LIMK2: variants seen among roughly 807,000 people sequenced by gnomAD.
LIMK2 encodes the protein LIM domain kinase 2.
Under a neutral mutation model 75.7 loss-of-function variants are expected in LIMK2, and 35 were observed. The observed-to-expected ratio is 0.46, with a 90% CI of 0.35 to 0.61. The LOEUF (loss-of-function observed/expected upper bound fraction) is 0.61, where lower values mean the gene tolerates loss of function less well. Ranked by LOEUF, LIMK2 falls within the 20% of genes least tolerant of loss-of-function variation. LIMK2 has a pLI of 0.00. For missense variants in LIMK2, 623 were observed against 831.0 expected, an observed-to-expected ratio of 0.75 and a Z score of 3.08; for synonymous variants, 301 against 319.2, an observed-to-expected ratio of 0.94 and a Z score of 0.61.
chr22:31,243,361 C>A (rs2048639976), intron 2 of LIMK2, among the ~76,000 whole-genome samples: 1 of 152,192 alleles, frequency 6.6e-6, no homozygotes, highest in Non-Finnish European at 1.5e-5. Context: ...TCGGAGTCCT[C>A]AAAAATTCTC....
intron 2 of LIMK2, 129 bp from the exon 3 acceptor site, chr22:31,258,162 C>A (rs1005168366): frequency 2.1e-6 from 2 of 947,410 alleles, no homozygotes; most frequent in Middle Eastern, 3.5e-4. Flanking sequence ...AAGGCTGTAA[C>A]TTTGCCCCAT....
At chr22:31,220,517 G>A (rs2048424360) in intron 1 of LIMK2, among the ~76,000 whole-genome samples, 1 of 152,232 alleles carries the variant, frequency 6.6e-6, no homozygotes, top group African/African-American at 2.4e-5. Context: ...TCTCTGAATG[G>A]GGTGTGGGGG....
chr22:31,215,655 G>A (rs1322909799), intron 1 of LIMK2, among the ~76,000 whole-genome samples: 2 of 152,130 alleles, frequency 1.3e-5, no homozygotes, highest in Admixed American at 6.5e-5. Flanking sequence ...TTGTGGAAAT[G>A]AGTTATATAT....
At chr22:31,266,589 A>G (rs967689470) in intron 8 of LIMK2, among the ~76,000 whole-genome samples, 3 of 152,072 alleles carry the variant, frequency 2.0e-5, no homozygotes, top group Non-Finnish European at 4.4e-5. Flanking sequence ...GCAGGGCTGG[A>G]GAGCTCACCC....
At chr22:31,213,846 T>G (rs9621220) in intron 1 of LIMK2, among the ~76,000 whole-genome samples, 6,703 of 150,886 alleles carry the variant, frequency 0.044, 557 homozygotes, top group East Asian at 0.37. Context: ...GATGGAGTCT[T>G]GCTCTGTCGC....
intron 1 of LIMK2, among the ~76,000 whole-genome samples, chr22:31,215,876 C>T (rs1262693302): frequency 6.6e-6 from 1 of 152,158 alleles, no homozygotes; most frequent in Non-Finnish European, 1.5e-5. Flanking sequence ...TATAGAATTT[C>T]AAAGATGAGG....
Position 31,267,050 on chromosome 22 carries a change from C to A in LIMK2, c.1108C>A (p.Gln370Lys). Reference sequence around the variant, plus strand: ...GTTAATTCGATGTGATGAGGAGACCCAGAAAACTTTTCTGACTGAGGTAAG... The same window carrying A: ...GTTAATTCGATGTGATGAGGAGACCAAGAAAACTTTTCTGACTGAGGTAAG... Reference protein sequence around the residue: ...KELIRCDEETQKTFLTEVKVM... With the variant: ...KELIRCDEETKKTFLTEVKVM... Residue 370 changes from glutamine (Q) to lysine (K), a missense_variant, in exon 9 of 16, where the codon CAG becomes AAG. By Grantham distance (53) the Gln-to-Lys change is moderately conservative (BLOSUM62 1). Coordinates refer to ENST00000331728, the MANE Select transcript of LIMK2 (RefSeq NM_005569.4). 1 of 1,607,644 alleles carries A rather than the reference C, an allele frequency of 6.2e-7. No individual in the cohort carries two copies. The highest frequency in any genetic ancestry group is 1.1e-5 in the South Asian group (1 of 90,010).
chr22:31,248,920 C>A, intron 2 of LIMK2: 1 of 791,188 alleles, frequency 1.3e-6, no homozygotes, highest in Non-Finnish European at 2.1e-6. Flanking sequence ...GAGAATCGGC[C>A]TTGTGAGGTA....
At position 31,266,061 on chromosome 22, in the gene LIMK2, C is replaced by G. The variant is rs769469177; in HGVS notation, c.970C>G (p.Gln324Glu). 9 of 1,614,078 alleles carry G rather than the reference C, an allele frequency of 5.6e-6. No individual in the cohort carries two copies. The highest frequency in any genetic ancestry group is 7.6e-6 in the Non-Finnish European group (9 of 1,180,038). The change falls in exon 8 of 16, where the codon CAG becomes GAG. Residue 324 changes from glutamine to glutamate, a missense_variant. This residue lies in a region of LIMK2 where 514 missense variants were observed against 661.3 expected (regional missense o/e 0.78). Coordinates refer to ENST00000331728, the MANE Select transcript of LIMK2 (RefSeq NM_005569.4). The stretch of plus-strand genomic sequence containing the variant: ...TCGTTGTTCCAGCAGCTATTCACAG[C>G]AGATCTTCCGGCCCTGTGACCTAAT... The part of the protein sequence containing the change: ...SLRCSSSYSQ[Q>E]IFRPCDLIHG...
intron 15 of LIMK2, among the ~76,000 whole-genome samples, chr22:31,276,053 T>A (rs1367041554): frequency 6.6e-6 from 1 of 152,096 alleles, no homozygotes; most frequent in Non-Finnish European, 1.5e-5. Context: ...CTGGCCAACA[T>A]GGTGAAACCC....
At chr22:31,263,217 C>T (rs1463646625) in intron 7 of LIMK2, among the ~76,000 whole-genome samples, 2 of 152,186 alleles carry the variant, frequency 1.3e-5, no homozygotes, top group African/African-American at 2.4e-5. Context: ...CAACAACCCC[C>T]AAACCCCAGA....
intron 2 of LIMK2, among the ~76,000 whole-genome samples, chr22:31,246,605 C>T (rs1174429024): frequency 3.3e-5 from 5 of 151,868 alleles, no homozygotes; most frequent in African/African-American, 9.7e-5. Flanking sequence ...CTCAGCCTCA[C>T]AGCTGGGTGT....
intron 11 of LIMK2, among the ~76,000 whole-genome samples, chr22:31,270,631 T>TA (rs2048947227): frequency 6.6e-6 from 1 of 152,028 alleles, no homozygotes; most frequent in Non-Finnish European, 1.5e-5. Flanking sequence ...GGGGAGAGCT[T>TA]AAAGTTTAGA....
chr22:31,260,016 G>C lies in LIMK2; in HGVS notation c.490G>C (p.Gly164Arg). 6.2e-7 allele frequency: 1 copy of C among 1,609,990 alleles called. No individual in the cohort carries two copies. Among genetic ancestry groups the C allele is most frequent in the Non-Finnish European group, 8.5e-7 (1 of 1,178,916 alleles). ...SMPATTEGRR[G>R]FSVSVESACS... ...GCCGGCCACCACTGAAGGCAGGCGG[G>C]GCTTCTCCGTGTCCGTGGAGAGTGC... Residue 164 changes from glycine to arginine, a missense_variant, in exon 5 of 16, where the codon GGC (glycine) becomes CGC (arginine). Transcript: ENST00000331728.
At chr22:31,239,606 G>C (rs2048607230) in intron 2 of LIMK2, among the ~76,000 whole-genome samples, 1 of 152,120 alleles carries the variant, frequency 6.6e-6, no homozygotes, top group Admixed American at 6.6e-5. Flanking sequence ...CCACCAATCA[G>C]AGACTTCTTC....
At chr22:31,240,435 T>TG (rs1392203295) in intron 2 of LIMK2, among the ~76,000 whole-genome samples, 8 of 151,998 alleles carry the variant, frequency 5.3e-5, no homozygotes, top group Non-Finnish European at 1.0e-4. Flanking sequence ...CACTTTTTTT[T>TG]TTTTTTTGAG....
chr22:31,233,345 T>G (rs2048544524), intron 2 of LIMK2, among the ~76,000 whole-genome samples: 1 of 152,232 alleles, frequency 6.6e-6, no homozygotes. Context: ...TTAGCATTTA[T>G]TATTAGTATC....
intron 8 of LIMK2, 130 bp downstream of exon 8, chr22:31,266,262 G>A (rs1225202303): frequency 1.3e-5 from 12 of 905,852 alleles, no homozygotes; most frequent in Admixed American, 4.7e-5. Context: ...GGCTTTGGGT[G>A]TTGGTGTGAG....
intron 2 of LIMK2, among the ~76,000 whole-genome samples, chr22:31,229,052 T>C (rs1399219160): frequency 1.3e-5 from 2 of 152,238 alleles, no homozygotes; most frequent in Non-Finnish European, 2.9e-5. Flanking sequence ...ACATTTCTCT[T>C]ATTACACATT....
Sources: allele counts gnomAD v4.1 joint callset (sites outside exome capture counted in the v4.1 genomes callset), GRCh38; gene constraint gnomAD v4.1.1; regional missense constraint gnomAD v4.1.1; transcripts MANE v1.5; gene names NCBI Gene and HGNC (gene_info 2026-07-23, HGNC 2026-07-21).